RNF170: variants seen among roughly 807,000 people sequenced by gnomAD.
The protein encoded by RNF170 is E3 ubiquitin-protein ligase RNF170.
Under a neutral mutation model 32.7 loss-of-function variants are expected in RNF170, and 12 were observed. That is an observed-to-expected ratio of 0.37 (90% confidence interval 0.24 to 0.60). The LOEUF is 0.60. Ranked by LOEUF, RNF170 falls within the 20% of genes least tolerant of loss-of-function variation. The pLI, the probability that RNF170 is intolerant of heterozygous loss-of-function variation, is 0.72. For synonymous variants in RNF170, 91 were observed against 103.6 expected (o/e 0.88, Z 0.74); for missense variants, 212 against 311.2 (o/e 0.68, Z 2.40).
Position 42,855,126 on chromosome 8 carries a change from C to A in RNF170, c.*1033G>T, listed in dbSNP as rs755203794. 2 of 1,287,048 alleles carry A rather than the reference C, an allele frequency of 1.6e-6. No homozygotes were observed. Among genetic ancestry groups the A allele is most frequent in the African/African-American group, 3.0e-5 (2 of 65,760 alleles). The allele number at this position is 1,287,048 out of a possible 1,614,324, so 79.7% of individuals were successfully genotyped here. A position where few individuals can be genotyped will look rare whatever the true frequency, so the allele number is the denominator to read the frequency against. Reference sequence around the variant, plus strand: ...TCGCCCAGGTTCCTAAAACAATCTTCCCTTTACAAATTACTTTTATATCTA... The same window carrying A: ...TCGCCCAGGTTCCTAAAACAATCTTACCTTTACAAATTACTTTTATATCTA... On this transcript the variant is annotated 3_prime_UTR_variant, in exon 7 of 7. Transcript: ENST00000527424.
chr8:42,854,512 C>T lies in RNF170; in HGVS notation c.*1647G>A, dbSNP rs1390081334. 2.3e-6 allele frequency: 3 copies of T among 1,286,608 alleles called. No homozygotes were observed. The highest frequency in any genetic ancestry group is 1.2e-5 in the South Asian group (1 of 80,920). 79.7% of individuals were successfully genotyped at this position (1,286,608 alleles called of 1,614,324 possible). A position where few individuals can be genotyped will look rare whatever the true frequency, so the allele number is the denominator to read the frequency against. ...AGAAACCTGCTTTAATTATAATGTGCTATGTTTAAGCATTATTGTTTTTCT... is the reference window on the plus strand; with the variant it reads ...AGAAACCTGCTTTAATTATAATGTGTTATGTTTAAGCATTATTGTTTTTCT... On this transcript the variant is annotated 3_prime_UTR_variant, in exon 7 of 7. Coordinates refer to ENST00000527424, the MANE Select transcript of RNF170 (RefSeq NM_030954.4).
chr8:42,866,546 T>C (rs1051898096), intron 4 of RNF170, among the ~76,000 whole-genome samples: 2 of 149,642 alleles, frequency 1.3e-5, no homozygotes, highest in Non-Finnish European at 3.0e-5. Context: ...ATTATGCCAC[T>C]GCACTATAGC....
Position 42,855,851 on chromosome 8 carries a change from T to C in RNF170, c.*308A>G. On this transcript the variant is annotated 3_prime_UTR_variant, in exon 7 of 7. Transcript: ENST00000527424. ...CTATACATCTAATTAATCTAAGTAA[T>C]TCTGGGGAAAAGAAAAATATATAAA... The C allele has an allele frequency of 1.7e-6, 2 of 1,205,424 alleles. No homozygotes were observed. The highest frequency in any genetic ancestry group is 2.1e-6 in the Non-Finnish European group (2 of 930,476). The allele number at this position is 1,205,424 out of a possible 1,614,324, so 74.7% of individuals were successfully genotyped here.
chr8:42,863,709 G>A (rs570959315), intron 5 of RNF170, among the ~76,000 whole-genome samples: 2 of 152,356 alleles, frequency 1.3e-5, no homozygotes, highest in Admixed American at 1.3e-4. Context: ...CAAAGTGCTA[G>A]GATTACAGGC....
chr8:42,884,509 T>C (rs1805654121), intron 2 of RNF170, among the ~76,000 whole-genome samples: 1 of 152,158 alleles, frequency 6.6e-6, no homozygotes, highest in Non-Finnish European at 1.5e-5. Flanking sequence ...ACATCCCTCC[T>C]TCCTTCAAGC....
Position 42,854,107 on chromosome 8 carries a change from T to C in RNF170, c.*2052A>G, listed in dbSNP as rs1015681902. On this transcript the variant is annotated 3_prime_UTR_variant, in exon 7 of 7. Coordinates refer to ENST00000527424, the MANE Select transcript of RNF170 (RefSeq NM_030954.4). ...CAAGTTGGTGACTGCAGCTGAAATGTTTTTCTGTGATGTATGCCACCCTTT... is the reference window on the plus strand; with the variant it reads ...CAAGTTGGTGACTGCAGCTGAAATGCTTTTCTGTGATGTATGCCACCCTTT... 3 of 1,287,220 alleles carry C rather than the reference T, an allele frequency of 2.3e-6. No individual in the cohort carries two copies. The highest frequency in any genetic ancestry group is 2.3e-5 in the Admixed American group (1 of 43,550). The allele number at this position is 1,287,220 out of a possible 1,614,324, so 79.7% of individuals were successfully genotyped here. A position where few individuals can be genotyped will look rare whatever the true frequency, so the allele number is the denominator to read the frequency against.
chr8:42,884,601 A>C (rs994335944), intron 2 of RNF170, among the ~76,000 whole-genome samples: 6 of 152,110 alleles, frequency 3.9e-5, no homozygotes, highest in Admixed American at 2.6e-4. Context: ...GCTAGTCCCA[A>C]ACTGAACATA....
chr8:42,874,491 A>G (rs1023895077), intron 2 of RNF170, among the ~76,000 whole-genome samples: 2 of 152,244 alleles, frequency 1.3e-5, no homozygotes, highest in African/African-American at 2.4e-5. Flanking sequence ...CTGTAATCCC[A>G]GCACTTTCGG....
At chr8:42,868,212 A>G (rs191578826) in intron 4 of RNF170, among the ~76,000 whole-genome samples, 99 of 152,374 alleles carry the variant, frequency 6.5e-4, no homozygotes, top group African/African-American at 2.3e-3. Context: ...AGCACAAGGT[A>G]CAGGAAACCC....
intron 2 of RNF170, among the ~76,000 whole-genome samples, chr8:42,886,551 A>C (rs1805844539): frequency 6.6e-6 from 1 of 152,246 alleles, no homozygotes; most frequent in South Asian, 2.1e-4. Flanking sequence ...TCAGCCGCCC[A>C]AGTAGCTGGG....
chr8:42,872,955 A>G (rs2128936982), intron 3 of RNF170, among the ~76,000 whole-genome samples: 1 of 152,078 alleles, frequency 6.6e-6, no homozygotes, highest in East Asian at 1.9e-4. Flanking sequence ...GTTTTAGTGA[A>G]GCAAGCACAG....
chr8:42,873,389 G>T (rs1253825315), intron 3 of RNF170, among the ~76,000 whole-genome samples: 3 of 152,056 alleles, frequency 2.0e-5, no homozygotes, highest in Non-Finnish European at 4.4e-5. Context: ...TAGCCTGAAG[G>T]TGTACAATAT....
intron 5 of RNF170, among the ~76,000 whole-genome samples, chr8:42,864,985 G>GCCT (rs1803974237): frequency 6.6e-6 from 1 of 151,556 alleles, no homozygotes; most frequent in African/African-American, 2.4e-5. Context: ...GGCTGGGCGT[G>GCCT]GTATCTCATG....
chr8:42,871,380 A>AT (rs1316612440), intron 3 of RNF170, among the ~76,000 whole-genome samples: 1 of 152,140 alleles, frequency 6.6e-6, no homozygotes, highest in Non-Finnish European at 1.5e-5. Flanking sequence ...AGTGAATCAG[A>AT]TTTTTGCCAC....
chr8:42,861,585 C>T (rs1380538701), intron 6 of RNF170, 160 bp downstream of exon 6: 2 of 647,192 alleles, frequency 3.1e-6, no homozygotes, highest in Non-Finnish European at 2.8e-6. Context: ...TCAAGTGATC[C>T]ACCTGCCTTG....
At position 42,896,494 on chromosome 8, in the gene RNF170, C is replaced by G; in HGVS notation, c.-18G>C. 2.2e-6 allele frequency: 1 copy of G among 453,914 alleles called. No homozygotes were observed. Among genetic ancestry groups the G allele is most frequent in the South Asian group, 1.6e-5 (1 of 64,464 alleles). 28.1% of individuals were successfully genotyped at this position (453,914 alleles called of 1,614,324 possible). On this transcript the variant is annotated 5_prime_UTR_variant, in exon 1 of 7. Coordinates refer to ENST00000527424, the MANE Select transcript of RNF170 (RefSeq NM_030954.4). ...GCGCGCCGGACGTACCTCTCCACCG[C>G]GAAGGAACTACCTCGCCAGTTCCCG...
At chr8:42,856,933 G>A (rs1366694493) in intron 6 of RNF170, among the ~76,000 whole-genome samples, 3 of 152,068 alleles carry the variant, frequency 2.0e-5, no homozygotes, top group Non-Finnish European at 4.4e-5. Context: ...CCTGGCAAGC[G>A]GACTAAAAAT....
downstream of RNF170, chr8:42,853,228 T>C: frequency 1.6e-6 from 1 of 634,768 alleles, no homozygotes; most frequent in South Asian, 2.2e-5. Context: ...TTGCAACCAT[T>C]ATACTGAATG....
In RNF170 at chr8:42,855,946, T is replaced by A; in HGVS notation, c.*213A>T. 2 of 1,357,698 alleles carry A rather than the reference T, an allele frequency of 1.5e-6. No individual in the cohort carries two copies. Among genetic ancestry groups the A allele is most frequent in the South Asian group, 1.3e-5 (1 of 78,594 alleles). 84.1% of individuals were successfully genotyped at this position (1,357,698 alleles called of 1,614,324 possible). ...GAATCAAGATACAACTGTAGATCATTATAATTCTAAACTTAATATTAGAAC... is the reference window on the plus strand; with the variant it reads ...GAATCAAGATACAACTGTAGATCATAATAATTCTAAACTTAATATTAGAAC... On this transcript the variant is annotated 3_prime_UTR_variant, in exon 7 of 7. Coordinates refer to ENST00000527424, the MANE Select transcript of RNF170 (RefSeq NM_030954.4).
Sources: gnomAD v4.1 joint callset for allele counts (sites outside exome capture counted in the v4.1 genomes callset) on GRCh38, gnomAD v4.1.1 for gene constraint, MANE v1.5 for transcripts, NCBI Gene and HGNC (gene_info 2026-07-23, HGNC 2026-07-21) for gene names.